USP48: variants seen among roughly 807,000 people sequenced by gnomAD.
USP48 encodes the protein ubiquitin carboxyl-terminal hydrolase 48.
A neutral mutation model predicts 150.7 loss-of-function variants in USP48; 43 were observed. The observed-to-expected ratio is 0.29, with a 90% confidence interval of 0.22 to 0.37. The LOEUF (loss-of-function observed/expected upper bound fraction) is 0.37. Ranked by LOEUF, USP48 falls within the 10% of genes least tolerant of loss-of-function variation. The pLI is 1.00. For synonymous variants in USP48, 396 were observed against 425.9 expected (o/e 0.93, Z 0.86); for missense variants, 813 against 1,249.6 (o/e 0.65, Z 5.27).
At chr1:21,682,013 T>A (rs907084805) in intron 25 of USP48, among the ~76,000 whole-genome samples, 1 of 152,198 alleles carries the variant, frequency 6.6e-6, no homozygotes, top group Admixed American at 6.5e-5. Context: ...AGACTTCCCT[T>A]CACCATCTTC....
At chr1:21,708,438 C>T (rs2097679571) in intron 15 of USP48, among the ~76,000 whole-genome samples, 1 of 152,132 alleles carries the variant, frequency 6.6e-6, no homozygotes, top group South Asian at 2.1e-4. Context: ...GCAGAGGTTG[C>T]AGTGAGCCAA....
intron 1 of USP48, among the ~76,000 whole-genome samples, chr1:21,775,698 C>T (rs2097896436): frequency 6.6e-6 from 1 of 152,166 alleles, no homozygotes; most frequent in Non-Finnish European, 1.5e-5. Flanking sequence ...ACAAAACAGA[C>T]ATTGTACTCC....
intron 21 of USP48, 62 bp downstream of exon 21, chr1:21,703,450 G>GC: frequency 1.5e-6 from 2 of 1,344,794 alleles, no homozygotes; most frequent in South Asian, 2.4e-5. Context: ...AAATACAACA[G>GC]CAAATCAAGC....
At position 21,699,662 on chromosome 1, in the gene USP48, C is replaced by T. The variant is rs1036658236; in HGVS notation, c.2727+1836G>A. Among the ~76,000 whole-genome samples, 7 of 151,744 alleles carry T rather than the reference C, an allele frequency of 4.6e-5. No individual in the cohort carries two copies. The South Asian group carries it at 6.3e-4, about 14-fold the overall frequency. ...CTGAGTAGCTGGGACTACAAGTGCC[C>T]GCCACCACGCCCGGCTAATTTTTTT... On this transcript the variant is annotated intron_variant, in intron 22 of 26. Transcript: ENST00000308271.
intron 5 of USP48, among the ~76,000 whole-genome samples, chr1:21,752,181 A>G (rs1436661671): frequency 6.6e-6 from 1 of 152,208 alleles, no homozygotes; most frequent in Non-Finnish European, 1.5e-5. Context: ...ACCATCACCC[A>G]AATGTTGTAT....
intron 8 of USP48, among the ~76,000 whole-genome samples, chr1:21,746,493 T>C (rs2097794841): frequency 6.6e-6 from 1 of 152,110 alleles, no homozygotes; most frequent in Non-Finnish European, 1.5e-5. Flanking sequence ...AGTACTACAA[T>C]CAACCTTAAA....
At chr1:21,698,327 A>AT (rs1263875646) in intron 22 of USP48, among the ~76,000 whole-genome samples, 1 of 152,220 alleles carries the variant, frequency 6.6e-6, no homozygotes, top group African/African-American at 2.4e-5. Flanking sequence ...ACAGAAGAAA[A>AT]TTATAAAGTA....
At chr1:21,732,427 C>T (rs776697265) in intron 9 of USP48, among the ~76,000 whole-genome samples, 23 of 152,136 alleles carry the variant, frequency 1.5e-4, no homozygotes, top group Admixed American at 3.3e-4. Context: ...TTGACTCCCA[C>T]GTCACAAAAG....
Position 21,756,705 on chromosome 1 carries a change from A to G in USP48, c.256-3T>C. On this transcript the variant is annotated splice_region_variant and splice_polypyrimidine_tract_variant and intron_variant, in intron 2 of 26. Coordinates refer to ENST00000308271, the MANE Select transcript of USP48 (RefSeq NM_032236.8). ...TTAGTCAGGCCCACAAATGAGTTCTACAAAAATACAAAATTCATAATTATA... is the reference window on the plus strand; with the variant it reads ...TTAGTCAGGCCCACAAATGAGTTCTGCAAAAATACAAAATTCATAATTATA... 6.2e-7 allele frequency: 1 copy of G among 1,612,982 alleles called. No homozygotes were observed. The highest frequency in any genetic ancestry group is 8.5e-7 in the Non-Finnish European group (1 of 1,179,666).
chr1:21,709,981 A>G (rs1477897785), intron 15 of USP48, among the ~76,000 whole-genome samples: 2 of 152,108 alleles, frequency 1.3e-5, no homozygotes, highest in African/African-American at 2.4e-5. Context: ...TTAACTATGA[A>G]TATTAATACA....
chr1:21,718,305 T>C (rs2097710298), intron 14 of USP48, among the ~76,000 whole-genome samples: 1 of 152,232 alleles, frequency 6.6e-6, no homozygotes, highest in Non-Finnish European at 1.5e-5. Context: ...TGTACAACTG[T>C]GCCCATATGA....
chr1:21,692,839 G>A (rs1359906615), intron 23 of USP48, among the ~76,000 whole-genome samples: 5 of 152,256 alleles, frequency 3.3e-5, no homozygotes, highest in South Asian at 2.1e-4. Context: ...ATGAACACAC[G>A]CTTCTAGAGA....
At chr1:21,688,339 C>T (rs1177676346) in intron 24 of USP48, among the ~76,000 whole-genome samples, 1 of 151,986 alleles carries the variant, frequency 6.6e-6, no homozygotes. Context: ...CTGTCTCAGC[C>T]TCCCGAGTAG....
intron 15 of USP48, among the ~76,000 whole-genome samples, chr1:21,709,768 G>T (rs1300494013): frequency 6.6e-6 from 1 of 152,062 alleles, no homozygotes; most frequent in African/African-American, 2.4e-5. Context: ...TTTTAAGTGG[G>T]ATGAGTGTTT....
chr1:21,708,393 G>C lies in USP48; in HGVS notation c.1964-1525C>G, dbSNP rs574265554. Among the ~76,000 whole-genome samples the C allele has an allele frequency of 6.6e-5, 10 of 152,228 alleles. No individual in the cohort carries two copies. In the East Asian group the frequency reaches 1.5e-3, roughly 24 times the overall value. On this transcript the variant is annotated intron_variant, in intron 15 of 26. Coordinates refer to ENST00000308271, the MANE Select transcript of USP48 (RefSeq NM_032236.8). ...GGCACCTGTAATCTCAGCTACTCAG[G>C]AGGCTGAGGCAGAAGAATCGTTTGA...
chr1:21,722,725 G>T (rs1370907654), intron 12 of USP48, among the ~76,000 whole-genome samples: 1 of 151,776 alleles, frequency 6.6e-6, no homozygotes, highest in Non-Finnish European at 1.5e-5. Context: ...CATGTCTGTG[G>T]TCCCAGCTAC....
intron 1 of USP48, among the ~76,000 whole-genome samples, chr1:21,763,894 A>G (rs1299013327): frequency 1.3e-5 from 2 of 152,200 alleles, no homozygotes; most frequent in Non-Finnish European, 2.9e-5. Flanking sequence ...AGTTCTAATT[A>G]TAAGCTGTTA....
intron 8 of USP48, among the ~76,000 whole-genome samples, chr1:21,746,492 A>G (rs1211668025): frequency 6.6e-6 from 1 of 152,172 alleles, no homozygotes; most frequent in Non-Finnish European, 1.5e-5. Context: ...AAGTACTACA[A>G]TCAACCTTAA....
At chr1:21,681,008 C>T in intron 25 of USP48, 174 bp from the exon 26 acceptor site, 1 of 571,726 alleles carries the variant, frequency 1.7e-6, no homozygotes, top group Non-Finnish European at 3.0e-6. Flanking sequence ...ATCTTTGTTT[C>T]TGTTTTTATC....
Sources: allele counts gnomAD v4.1 joint callset (sites outside exome capture counted in the v4.1 genomes callset), GRCh38; gene constraint gnomAD v4.1.1; transcripts MANE v1.5; gene names NCBI Gene and HGNC (gene_info 2026-07-23, HGNC 2026-07-21).